Variants in SDR16C5 observed in about 807,000 individuals in gnomAD.
The protein encoded by SDR16C5 is short chain dehydrogenase/reductase family 16C member 5, also known as epidermal retinol dehydrogenase 2.
SDR16C5 carries 20 observed loss-of-function variants against 27.7 expected under a neutral mutation model. That is an observed-to-expected ratio of 0.72 (90% CI 0.51 to 1.05). The LOEUF (loss-of-function observed/expected upper bound fraction) is 1.05. Among genes scored for constraint, SDR16C5 ranks in the 50% least tolerant of loss-of-function variants. The pLI is 0.00. For synonymous variants in SDR16C5, 139 were observed against 132.3 expected, an observed-to-expected ratio of 1.05 and a Z score of -0.35; for missense variants, 374 against 366.3, an observed-to-expected ratio of 1.02 and a Z score of -0.17.
intron 6 of SDR16C5, among the ~76,000 whole-genome samples, chr8:56,304,642 G>A (rs1034807660): frequency 3.3e-5 from 5 of 152,022 alleles, no homozygotes; most frequent in East Asian, 1.9e-4. Flanking sequence ...TGTTTCAAGC[G>A]ATTCTCCTGC....
At chr8:56,307,400 T>C (rs1047930825) in intron 4 of SDR16C5, among the ~76,000 whole-genome samples, 1 of 152,234 alleles carries the variant, frequency 6.6e-6, no homozygotes, top group Non-Finnish European at 1.5e-5. Flanking sequence ...TTTGTGTCCA[T>C]TTTCAGCTTT....
At chr8:56,303,931 C>T (rs1302576667) in intron 6 of SDR16C5, 1 of 702,014 alleles carries the variant, frequency 1.4e-6, no homozygotes, top group Non-Finnish European at 2.6e-6. Flanking sequence ...AATGAAGAAG[C>T]CAAGACCTGG....
Position 56,316,028 on chromosome 8 carries a change from C to T in SDR16C5, c.320G>A (p.Arg107Lys). 1 of 1,612,946 alleles carries T rather than the reference C, an allele frequency of 6.2e-7. No homozygotes were observed. The highest frequency in any genetic ancestry group is 2.2e-5 in the East Asian group (1 of 44,878). The part of the protein sequence containing the change: ...CDCSQKEGVY[R>K]VADQVKKEVG... ...CACAAGAGTTACCTGGTCGGCTACTCTATACACTCCTTCCTTTTGGCTGCA... is the reference window on the plus strand; with the variant it reads ...CACAAGAGTTACCTGGTCGGCTACTTTATACACTCCTTCCTTTTGGCTGCA... The change falls in exon 2 of 7, where the codon AGA becomes AAA. Residue 107 changes from arginine (R) to lysine (K), a missense_variant. Transcript: ENST00000303749.
rs751966187 is a variant in SDR16C5 at position 56,312,326 on chromosome 8, T to A, written c.334-38A>T. The A allele has an allele frequency of 3.2e-6, 5 of 1,581,346 alleles. No homozygotes were observed. The African/African-American group carries it at 5.4e-5, about 17-fold the overall frequency. On this transcript the variant is annotated intron_variant, in intron 2 of 6. Transcript: ENST00000303749. ...AGAGCAACACCACCAATGTAGTAATTCCTTACATGGGCTAGGTTTTATTTT... is the reference window on the plus strand; with the variant it reads ...AGAGCAACACCACCAATGTAGTAATACCTTACATGGGCTAGGTTTTATTTT...
At chr8:56,309,272 A>G (rs1814964198) in intron 3 of SDR16C5, 1 of 968,364 alleles carries the variant, frequency 1.0e-6, no homozygotes, top group African/African-American at 1.8e-5. Context: ...GTTTTTGCTC[A>G]TATTTGACTT....
intron 4 of SDR16C5, among the ~76,000 whole-genome samples, chr8:56,307,986 G>C (rs907515843): frequency 1.3e-5 from 2 of 152,188 alleles, no homozygotes; most frequent in Admixed American, 6.5e-5. Flanking sequence ...CGTGACAACA[G>C]ATATATAAGA....
At position 56,300,903 on chromosome 8, in the gene SDR16C5, C is replaced by G. The variant is rs1052593820; in HGVS notation, c.*577G>C. The G allele has an allele frequency of 5.2e-5, 8 of 152,680 alleles. No individual in the cohort carries two copies. Among genetic ancestry groups the G allele is most frequent in the African/African-American group, 1.9e-4 (8 of 41,454 alleles). The allele number at this position is 152,680 out of a possible 1,614,324, so 9.5% of individuals were successfully genotyped here. A position where few individuals can be genotyped will look rare whatever the true frequency, so the allele number is the denominator to read the frequency against. The stretch of plus-strand genomic sequence containing the variant: ...CTGGATGGGCCTTTAGCCAGACTGC[C>G]ACTCGGTCTGCGTATCCAGGGCATT... On this transcript the variant is annotated 3_prime_UTR_variant, in exon 7 of 7. Transcript: ENST00000303749.
intron 6 of SDR16C5, among the ~76,000 whole-genome samples, chr8:56,304,315 A>C (rs1192217366): frequency 6.6e-6 from 1 of 152,172 alleles, no homozygotes; most frequent in African/African-American, 2.4e-5. Context: ...GGGAAGTTCA[A>C]ATGAGGCAGA....
intron 5 of SDR16C5, 24 bp from the exon 6 acceptor site, chr8:56,305,746 TA>T (rs779723552): frequency 1.0e-5 from 16 of 1,563,524 alleles, no homozygotes; most frequent in Middle Eastern, 1.7e-4. Flanking sequence ...TGACAACAAT[TA>T]AAAAAAACCC....
chr8:56,302,597 C>T (rs765150657), intron 6 of SDR16C5, among the ~76,000 whole-genome samples: 3 of 149,982 alleles, frequency 2.0e-5, no homozygotes, highest in East Asian at 2.0e-4. Flanking sequence ...CACTTGAACC[C>T]GGGAGGTGGG....
intron 2 of SDR16C5, among the ~76,000 whole-genome samples, chr8:56,312,755 TCTA>T (rs1367811425): frequency 7.0e-6 from 1 of 143,442 alleles, no homozygotes; most frequent in African/African-American, 2.6e-5. Context: ...CATTGCTGAG[TCTA>T]CAATGCACCA....
In SDR16C5 at chr8:56,305,642, T is replaced by C; in HGVS notation, c.791A>G (p.Tyr264Cys). 1 of 1,597,810 alleles carries C rather than the reference T, an allele frequency of 6.3e-7. No homozygotes were observed. The highest frequency in any genetic ancestry group is 8.5e-7 in the Non-Finnish European group (1 of 1,174,946). ...IVEAILQEKM[Y>C]LYMPKLLYFM... ...GTATAACAACTTTGGCATATACAAGTACATTTTTTCTTGTAGAATAGCTTC... is the reference window on the plus strand; with the variant it reads ...GTATAACAACTTTGGCATATACAAGCACATTTTTTCTTGTAGAATAGCTTC... The change falls in exon 6 of 7, where the codon TAC becomes TGC. Residue 264 changes from tyrosine to cysteine, a missense_variant. Tyr to Cys is a radical substitution (Grantham distance 194, BLOSUM62 -2). Coordinates refer to ENST00000303749, the MANE Select transcript of SDR16C5 (RefSeq NM_138969.4).
chr8:56,303,207 G>A (rs59876971), intron 6 of SDR16C5, among the ~76,000 whole-genome samples: 5,805 of 151,322 alleles, frequency 0.038, 166 homozygotes, highest in East Asian at 0.13. Context: ...CCAGCTACTC[G>A]AGAGGCTGAG....
At chr8:56,311,373 ACCACTGAACTC>A (rs899323230) in intron 3 of SDR16C5, among the ~76,000 whole-genome samples, 1 of 152,156 alleles carries the variant, frequency 6.6e-6, no homozygotes, top group African/African-American at 2.4e-5. Context: ...CTGAGATCAC[ACCACTGAACTC>A]CAGCCTGGGA....
intron 3 of SDR16C5, chr8:56,309,516 A>C (rs1814971223): frequency 1.0e-6 from 1 of 985,224 alleles, no homozygotes; most frequent in Non-Finnish European, 1.2e-6. Flanking sequence ...CCATTTCGTA[A>C]AACAGAATAT....
rs1814863415 is a variant in SDR16C5, at chr8:56,305,663, G to C, written c.770C>G (p.Ala257Gly). ...CAAGTACATTTTTTCTTGTAGAATA[G>C]CTTCTACTATTTTTTCAACTGCATA... ...PKYAVEKIVE[A>G]ILQEKMYLYM... The change falls in exon 6 of 7, where the codon GCT (alanine) becomes GGT (glycine). Residue 257 changes from alanine (A) to glycine (G), a missense_variant. By Grantham distance (60) the Ala-to-Gly change is moderately conservative. Transcript: ENST00000303749. The C allele has an allele frequency of 6.3e-7, 1 of 1,599,770 alleles. No homozygotes were observed. Among genetic ancestry groups the C allele is most frequent in the East Asian group, 2.3e-5 (1 of 44,124 alleles).
chr8:56,303,908 T>C, intron 6 of SDR16C5: 1 of 699,934 alleles, frequency 1.4e-6, no homozygotes, highest in East Asian at 2.7e-5. Flanking sequence ...ACAAACATTG[T>C]CTCTACAATG....
At chr8:56,318,404 C>T (rs1028163908) in intron 1 of SDR16C5, among the ~76,000 whole-genome samples, 1 of 152,168 alleles carries the variant, frequency 6.6e-6, no homozygotes, top group Non-Finnish European at 1.5e-5. Context: ...AAAGAGGACT[C>T]TCATATCAAA....
At chr8:56,314,576 G>A (rs1175957394) in intron 2 of SDR16C5, among the ~76,000 whole-genome samples, 3 of 152,242 alleles carry the variant, frequency 2.0e-5, no homozygotes, top group African/African-American at 4.8e-5. Flanking sequence ...CAGGTGATCA[G>A]TGCTTAACTT....
Sources: gnomAD v4.1 joint callset for allele counts (sites outside exome capture counted in the v4.1 genomes callset) on GRCh38, gnomAD v4.1.1 for gene constraint, MANE v1.5 for transcripts, NCBI Gene and HGNC (gene_info 2026-07-23, HGNC 2026-07-21) for gene names.